The following ZNF536 variants were observed in gnomAD, a reference collection of about 807,000 sequenced individuals.
ZNF536 encodes zinc finger protein 536.
ZNF536 carries 13 observed loss-of-function variants against 84.5 expected under a neutral mutation model. The ratio of observed to expected loss-of-function variants is 0.15; its 90% confidence interval spans 0.10 to 0.24. The LOEUF (loss-of-function observed/expected upper bound fraction) is 0.24, where lower values mean the gene tolerates loss of function less well. Among genes scored for constraint, ZNF536 ranks in the 10% least tolerant of loss-of-function variants. The pLI, the probability that ZNF536 is intolerant of heterozygous loss-of-function variation, is 1.00. For synonymous variants in ZNF536, 811 were observed against 742.5 expected (o/e 1.09, Z -1.50); for missense variants, 1,536 against 1,747.5 (o/e 0.88, Z 2.16).
chr19:30,411,633 G>T (rs1035160425), intron 1 of ZNF536, among the ~76,000 whole-genome samples: 2 of 151,974 alleles, frequency 1.3e-5, no homozygotes, highest in Non-Finnish European at 2.9e-5. Context: ...TCACTTTCGG[G>T]CTTCTCTCTA....
At chr19:30,479,078 A>G (rs1483294494) in intron 2 of ZNF536, among the ~76,000 whole-genome samples, 1 of 152,182 alleles carries the variant, frequency 6.6e-6, no homozygotes, top group Non-Finnish European at 1.5e-5. Context: ...GGGATTGTGT[A>G]TCCCATATCA....
At chr19:30,461,595 G>A (rs1019668054) in intron 2 of ZNF536, among the ~76,000 whole-genome samples, 1 of 152,180 alleles carries the variant, frequency 6.6e-6, no homozygotes, top group Non-Finnish European at 1.5e-5. Context: ...GGTCACACTT[G>A]TTCCCCTAGT....
intron 2 of ZNF536, among the ~76,000 whole-genome samples, chr19:30,467,317 A>T (rs1363509787): frequency 1.3e-5 from 2 of 152,102 alleles, no homozygotes; most frequent in Non-Finnish European, 2.9e-5. Context: ...TCTACTTTCC[A>T]TGTATGGATT....
At chr19:30,412,638 A>G (rs190861393) in intron 1 of ZNF536, among the ~76,000 whole-genome samples, 3 of 152,136 alleles carry the variant, frequency 2.0e-5, no homozygotes, top group Admixed American at 6.5e-5. Context: ...TAGTAATAGT[A>G]GTAACAGTAA....
chr19:30,644,724 C>T lies in ZNF536; in HGVS notation c.170-66033C>T, dbSNP rs542440866. Among the ~76,000 whole-genome samples, 3 of 152,330 alleles carry T rather than the reference C, an allele frequency of 2.0e-5. No individual in the cohort carries two copies. The East Asian group carries it at 5.8e-4, about 29-fold the overall frequency. The stretch of plus-strand genomic sequence containing the variant: ...TCCTTTTTTATGGCTGCACAGTATT[C>T]TATGGTGTATATGTGCCACATTTTC... On this transcript the variant is annotated intron_variant, in intron 1 of 1. Coordinates refer to the ZNF536 transcript ENST00000592773.
chr19:30,552,102 A>G (rs1305593898), intron 4 of ZNF536, among the ~76,000 whole-genome samples: 1 of 152,136 alleles, frequency 6.6e-6, no homozygotes, highest in Non-Finnish European at 1.5e-5. Context: ...TGACATTTGT[A>G]AGCTTCAAAC....
intron 1 of ZNF536, among the ~76,000 whole-genome samples, chr19:30,383,739 C>T (rs1237432804): frequency 1.4e-4 from 1 of 7,056 alleles, no homozygotes; most frequent in Admixed American, 2.3e-3. Context: ...TTCTTTCTTT[C>T]TTTCTCTTTC....
At chr19:30,600,241 C>T (rs1433823712) in intron 1 of ZNF536, among the ~76,000 whole-genome samples, 1 of 151,998 alleles carries the variant, frequency 6.6e-6, no homozygotes, top group Non-Finnish European at 1.5e-5. Flanking sequence ...TACAGGCATG[C>T]CCCACCATGC....
intron 1 of ZNF536, among the ~76,000 whole-genome samples, chr19:30,380,392 A>G (rs922349375): frequency 6.6e-6 from 1 of 152,128 alleles, no homozygotes; most frequent in Non-Finnish European, 1.5e-5. Flanking sequence ...CCTGCAGTGC[A>G]TGGCCCAGAC....
chr19:30,413,906 A>G (rs545101647), intron 1 of ZNF536, among the ~76,000 whole-genome samples: 37 of 152,120 alleles, frequency 2.4e-4, no homozygotes, highest in African/African-American at 8.2e-4. Flanking sequence ...CCTGGCTAAC[A>G]TGGTGAAACC....
At chr19:30,483,612 C>G (rs909030693) in intron 2 of ZNF536, among the ~76,000 whole-genome samples, 1 of 152,100 alleles carries the variant, frequency 6.6e-6, no homozygotes, top group African/African-American at 2.4e-5. Flanking sequence ...TTGTCTGTCA[C>G]AGATCTGAAT....
intron 1 of ZNF536, among the ~76,000 whole-genome samples, chr19:30,233,853 G>T (rs189168953): frequency 1.3e-5 from 2 of 152,130 alleles, no homozygotes; most frequent in African/African-American, 4.8e-5. Flanking sequence ...AGCATCTCCC[G>T]TGACCCACGT....
intron 1 of ZNF536, among the ~76,000 whole-genome samples, chr19:30,232,806 G>A (rs1047278543): frequency 6.6e-6 from 1 of 152,198 alleles, no homozygotes; most frequent in African/African-American, 2.4e-5. Flanking sequence ...AGTCCGTGCT[G>A]TGCGTTGTAG....
At chr19:30,422,788 A>G (rs1254052317) in intron 1 of ZNF536, among the ~76,000 whole-genome samples, 1 of 151,734 alleles carries the variant, frequency 6.6e-6, no homozygotes, top group Non-Finnish European at 1.5e-5. Context: ...CGATCCATGT[A>G]TCCATCCACC....
chr19:30,624,614 AAT>A (rs893561571), intron 1 of ZNF536, among the ~76,000 whole-genome samples: 2 of 152,194 alleles, frequency 1.3e-5, no homozygotes, highest in African/African-American at 4.8e-5. Flanking sequence ...TTCAGTTTTA[AAT>A]ATGTCTGGAG....
downstream of ZNF536, among the ~76,000 whole-genome samples, chr19:30,560,983 T>C (rs369218816): frequency 1.2e-4 from 18 of 152,362 alleles, no homozygotes; most frequent in East Asian, 3.5e-3. Flanking sequence ...TAGCCATTTG[T>C]GCATCCAGAC....
At chr19:30,459,026 C>T (rs948735609) in intron 2 of ZNF536, among the ~76,000 whole-genome samples, 3 of 152,210 alleles carry the variant, frequency 2.0e-5, no homozygotes, top group African/African-American at 7.2e-5. Flanking sequence ...AAGGGCTCCT[C>T]AGCCTCTCTG....
In ZNF536 at chr19:30,484,664, TTTC is replaced by T. The variant is rs149796898; in HGVS notation, c.2170+38953_2170+38955del. Among the ~76,000 whole-genome samples the T allele has an allele frequency of 7.8e-3, 1,137 of 146,644 alleles. 4 individuals are homozygous for T. The highest frequency in any genetic ancestry group is 0.017 in the Middle Eastern group (5 of 286). Reference sequence around the variant, plus strand: ...TTTGAGCAAGTAGCGCACTTTCTTTTTTCTTCTTCTTCTTCTTCTTCTTTTTTT... The same window carrying T: ...TTTGAGCAAGTAGCGCACTTTCTTTTTTCTTCTTCTTCTTCTTCTTTTTTT... On this transcript the variant is annotated intron_variant, in intron 2 of 4. Transcript: ENST00000355537.
chr19:30,621,860 C>T (rs2147146149), intron 1 of ZNF536, among the ~76,000 whole-genome samples: 1 of 152,340 alleles, frequency 6.6e-6, no homozygotes, highest in African/African-American at 2.4e-5. Context: ...CTCTCTCTTT[C>T]AAACCCTCTC....
Sources: allele counts gnomAD v4.1 joint callset (sites outside exome capture counted in the v4.1 genomes callset), GRCh38; gene constraint gnomAD v4.1.1; transcripts MANE v1.5; gene names NCBI Gene and HGNC (gene_info 2026-07-23, HGNC 2026-07-21).